DENND2A: variants seen among roughly 807,000 people sequenced by gnomAD.
DENND2A encodes DENN domain containing 2A.
Under a neutral mutation model 105.3 loss-of-function variants are expected in DENND2A, and 53 were observed. The observed-to-expected ratio is 0.50, with a 90% CI of 0.40 to 0.63. The LOEUF (loss-of-function observed/expected upper bound fraction) is 0.63, where lower values mean the gene tolerates loss of function less well. DENND2A is among the 30% of genes least tolerant of loss of function. The pLI is 0.00. For synonymous variants in DENND2A, 522 were observed against 508.4 expected (o/e 1.03, Z -0.36); for missense variants, 1,138 against 1,279.6 (o/e 0.89, Z 1.69).
chr7:140,526,890 T>C (rs573194901), intron 15 of DENND2A, among the ~76,000 whole-genome samples: 1 of 152,190 alleles, frequency 6.6e-6, no homozygotes, highest in Non-Finnish European at 1.5e-5. Context: ...AGCAGGACTT[T>C]CCCCGCTTCG....
intron 12 of DENND2A, 80 bp downstream of exon 12, chr7:140,555,556 G>T: frequency 1.6e-6 from 2 of 1,246,900 alleles, no homozygotes; most frequent in Non-Finnish European, 1.2e-6. Flanking sequence ...AGAAGGCCCA[G>T]GACATGGGGG....
intron 2 of DENND2A, among the ~76,000 whole-genome samples, chr7:140,605,191 C>G (rs895807778): frequency 3.3e-5 from 5 of 152,182 alleles, no homozygotes; most frequent in African/African-American, 1.2e-4. Context: ...TTCTAGAGTT[C>G]CTGTTTCCAG....
At chr7:140,566,929 C>G (rs1797861803) in intron 9 of DENND2A, among the ~76,000 whole-genome samples, 157 bp downstream of exon 9, 1 of 151,940 alleles carries the variant, frequency 6.6e-6, no homozygotes, top group Non-Finnish European at 1.5e-5. Context: ...CTAGCAGCAG[C>G]ATTTTTTTTT....
At position 140,602,404 on chromosome 7, in the gene DENND2A, C is replaced by G; in HGVS notation, c.-7G>C. On this transcript the variant is annotated 5_prime_UTR_variant, in exon 3 of 20. Coordinates refer to ENST00000496613, the MANE Select transcript of DENND2A (RefSeq NM_015689.5). The stretch of plus-strand genomic sequence containing the variant: ...CCAAGCTGAACATATCCATTCTTGA[C>G]TCTAGCGTGAGGTTGTGGAGGCCTT... The G allele has an allele frequency of 6.5e-7, 1 of 1,548,034 alleles. No homozygotes were observed. The highest frequency in any genetic ancestry group is 8.7e-7 in the Non-Finnish European group (1 of 1,150,420).
chr7:140,608,626 A>G (rs1260889343), intron 1 of DENND2A, among the ~76,000 whole-genome samples: 2 of 151,612 alleles, frequency 1.3e-5, no homozygotes, highest in Non-Finnish European at 2.9e-5. Context: ...CAGTGAGCTG[A>G]GACTGAACCA....
intron 3 of DENND2A, among the ~76,000 whole-genome samples, chr7:140,595,385 A>G (rs1045598385): frequency 6.6e-6 from 1 of 152,244 alleles, no homozygotes; most frequent in Non-Finnish European, 1.5e-5. Flanking sequence ...AAGATTTAAA[A>G]AAAAAAAGCA....
chr7:140,607,437 G>C (rs776750076), intron 1 of DENND2A, among the ~76,000 whole-genome samples: 11 of 152,200 alleles, frequency 7.2e-5, no homozygotes, highest in Non-Finnish European at 1.0e-4. Flanking sequence ...GTGTGTGTGG[G>C]TGGACAGGAG....
chr7:140,561,101 C>G (rs74825156), intron 9 of DENND2A, among the ~76,000 whole-genome samples: 3,297 of 151,510 alleles, frequency 0.022, 118 homozygotes, highest in African/African-American at 0.075. Context: ...GACTTGAATT[C>G]CTGGGCTCAA....
chr7:140,593,831 C>T (rs1201215542), intron 3 of DENND2A, among the ~76,000 whole-genome samples: 2 of 152,168 alleles, frequency 1.3e-5, no homozygotes, highest in East Asian at 1.9e-4. Context: ...ATCGCCTCAC[C>T]GCACCTGCCC....
intron 14 of DENND2A, among the ~76,000 whole-genome samples, chr7:140,533,755 G>A (rs752185686): frequency 6.6e-6 from 1 of 152,198 alleles, no homozygotes; most frequent in Non-Finnish European, 1.5e-5. Flanking sequence ...TTTGTTTTGA[G>A]TAGTCTGATC....
chr7:140,569,888 A>G (rs899044137), intron 6 of DENND2A, 150 bp from the exon 7 acceptor site: 124 of 589,198 alleles, frequency 2.1e-4, no homozygotes, highest in Non-Finnish European at 3.5e-4. Flanking sequence ...GTGTCTTTCA[A>G]TCATTTTTTT....
intron 14 of DENND2A, among the ~76,000 whole-genome samples, chr7:140,533,430 C>T (rs548390484): frequency 2.2e-4 from 34 of 152,326 alleles, no homozygotes; most frequent in Middle Eastern, 6.8e-3. Context: ...CCTATGTTGC[C>T]TTCAGTGACA....
chr7:140,542,501 C>T (rs1184004634), intron 14 of DENND2A, among the ~76,000 whole-genome samples: 1 of 151,950 alleles, frequency 6.6e-6, no homozygotes, highest in African/African-American at 2.4e-5. Flanking sequence ...CTCATCTCTC[C>T]CTCCCCCATC....
In DENND2A at chr7:140,544,750, C is replaced by T. The variant is rs1390710116; in HGVS notation, c.2195G>A (p.Arg732His). ...GSGTEVIELC[R>H]PLDSRLEHVD... The stretch of plus-strand genomic sequence containing the variant: ...GTGCTCGAGCCGGGAGTCCAGCGGG[C>T]GGCACAGTTCGATCACCTGCCAGGG... Residue 732 changes from arginine to histidine, a missense_variant, in exon 14 of 20, where the codon CGC (arginine) becomes CAC (histidine). By Grantham distance (29) the Arg-to-His change is conservative. Around this residue, in one of 2 missense-constraint regions of DENND2A, gnomAD observed 627 missense variants for 779.8 expected, o/e 0.80. Coordinates refer to ENST00000496613, the MANE Select transcript of DENND2A (RefSeq NM_015689.5). 6 of 1,584,990 alleles carry T rather than the reference C, an allele frequency of 3.8e-6. No individual in the cohort carries two copies. Among genetic ancestry groups the T allele is most frequent in the African/African-American group, 1.3e-5 (1 of 74,684 alleles).
chr7:140,530,584 CT>C (rs1796223518), intron 14 of DENND2A, among the ~76,000 whole-genome samples: 1 of 151,816 alleles, frequency 6.6e-6, no homozygotes, highest in African/African-American at 2.4e-5. Flanking sequence ...CCTACACTGT[CT>C]TCTTTATTAG....
At chr7:140,626,064 C>G (rs2130729758) in intron 1 of DENND2A, among the ~76,000 whole-genome samples, 1 of 152,320 alleles carries the variant, frequency 6.6e-6, no homozygotes, top group South Asian at 2.1e-4. Context: ...ATTAACTTTT[C>G]CCAAGGCTGC....
chr7:140,560,656 G>A (rs578054447), intron 9 of DENND2A, among the ~76,000 whole-genome samples: 2 of 152,168 alleles, frequency 1.3e-5, no homozygotes, highest in South Asian at 4.1e-4. Flanking sequence ...CAAGGGCCGG[G>A]AGTGGTGGCT....
rs149883912 is a variant in DENND2A, at chr7:140,622,536, C to T, written c.-247-16730G>A. On this transcript the variant is annotated intron_variant, in intron 1 of 19. Transcript: ENST00000496613. Reference sequence around the variant, plus strand: ...CCTCAGACTTGTTAAAATGCTCTTTCGGAGGCTCAGCTTAAATGAGTGCTA... The same window carrying T: ...CCTCAGACTTGTTAAAATGCTCTTTTGGAGGCTCAGCTTAAATGAGTGCTA... Among the ~76,000 whole-genome samples, 792 of 152,264 alleles carry T rather than the reference C, an allele frequency of 5.2e-3. 8 individuals are homozygous for T. The highest frequency in any genetic ancestry group is 0.019 in the African/African-American group (775 of 41,550).
intron 3 of DENND2A, among the ~76,000 whole-genome samples, chr7:140,596,558 C>T (rs577960783): frequency 1.3e-5 from 2 of 152,308 alleles, no homozygotes; most frequent in African/African-American, 4.8e-5. Flanking sequence ...GAATCAATAA[C>T]AGCACAGTGT....
Sources: gnomAD v4.1 joint callset for allele counts (sites outside exome capture counted in the v4.1 genomes callset) on GRCh38, gnomAD v4.1.1 for gene constraint, gnomAD v4.1.1 regional missense constraint, MANE v1.5 for transcripts, NCBI Gene and HGNC (gene_info 2026-07-23, HGNC 2026-07-21) for gene names.